Variants in DYNC2I2 observed in about 807,000 individuals in gnomAD.
DYNC2I2 encodes cytoplasmic dynein 2 intermediate chain 2.
In DYNC2I2, 39 loss-of-function variants were observed where a neutral mutation model predicts 52.0. The observed-to-expected ratio is 0.75, with a 90% CI of 0.58 to 0.98. DYNC2I2 has a LOEUF of 0.98. DYNC2I2 is among the 50% of genes least tolerant of loss of function. The probability of loss-of-function intolerance (pLI) is 0.00; values close to 1 mark genes in which losing one functional copy is unlikely to be tolerated. For missense variants in DYNC2I2, 743 were observed against 728.4 expected, an observed-to-expected ratio of 1.02 and a Z score of -0.23; for synonymous variants, 359 against 321.1, an observed-to-expected ratio of 1.12 and a Z score of -1.26.
intron 6 of DYNC2I2, 77 bp downstream of exon 6, chr9:128,635,015 G>C: frequency 6.3e-7 from 1 of 1,583,984 alleles, no homozygotes; most frequent in East Asian, 2.2e-5. Flanking sequence ...ATCACAGCAA[G>C]TCAGGCCCAC....
chr9:128,677,888 C>T, the DYNC2I2 span, among the ~76,000 whole-genome samples: 28 of 152,176 alleles, frequency 1.8e-4, no homozygotes, highest in East Asian at 5.4e-3. Flanking sequence ...CTCTGATCAC[C>T]CAGTCCTTTC....
rs746114427 is a variant in DYNC2I2 at position 128,640,902 on chromosome 9, G to A, written c.224C>T (p.Ala75Val). The A allele has an allele frequency of 3.1e-6, 5 of 1,606,446 alleles. No homozygotes were observed. Among genetic ancestry groups the A allele is most frequent in the Middle Eastern group, 3.3e-4 (2 of 6,036 alleles). Residue 75 changes from alanine to valine, a missense_variant, in exon 2 of 9, where the codon GCA becomes GTA. Ala to Val is a moderately conservative substitution (Grantham distance 64, BLOSUM62 0). Transcript: ENST00000372715. ...CACATGATTCCTGGCCTGGGCGGAT[G>A]CACTGGCAGTGGCAATGCTGGCCGT... ...CQTASIATAS[A>V]SAQARNHVDA...
chr9:128,643,778 G>A (rs761619801), intron 1 of DYNC2I2, among the ~76,000 whole-genome samples: 4 of 152,158 alleles, frequency 2.6e-5, no homozygotes, highest in African/African-American at 4.8e-5. Context: ...TGGACGGGGC[G>A]TCCCCAGATG....
the DYNC2I2 span, chr9:128,663,122 G>A: frequency 6.6e-6 from 1 of 152,164 alleles, no homozygotes; most frequent in Non-Finnish European, 1.5e-5. Context: ...GATCCAGATT[G>A]AACCTCTCTG....
the DYNC2I2 span, among the ~76,000 whole-genome samples, chr9:128,671,388 G>A: frequency 1.4e-5 from 2 of 146,306 alleles, no homozygotes; most frequent in African/African-American, 5.1e-5. Context: ...TGCAAACTCC[G>A]CCTCCTGGGT....
chr9:128,676,858 T>C, the DYNC2I2 span, among the ~76,000 whole-genome samples: 1 of 150,696 alleles, frequency 6.6e-6, no homozygotes, highest in Non-Finnish European at 1.5e-5. Flanking sequence ...TTTGTTTTGT[T>C]TTGTTTTTGA....
At chr9:128,656,852 G>C (rs949785796), upstream of DYNC2I2, 12 of 957,024 alleles carry the variant, frequency 1.3e-5, no homozygotes, top group African/African-American at 1.7e-5. Context: ...AGCGCCTCCT[G>C]CAAGACCTGG....
At chr9:128,658,153 A>C (rs1860870731), upstream of DYNC2I2, among the ~76,000 whole-genome samples, 1 of 151,832 alleles carries the variant, frequency 6.6e-6, no homozygotes, top group East Asian at 1.9e-4. Context: ...TGATCTGGGA[A>C]GGATAGATGC....
the DYNC2I2 span, among the ~76,000 whole-genome samples, chr9:128,664,980 A>C: frequency 8.5e-4 from 130 of 152,050 alleles, no homozygotes; most frequent in African/African-American, 3.0e-3. Context: ...AATAAAAATA[A>C]AAACAAGAAA....
At chr9:128,653,754 G>A (rs1043361871) in intron 1 of DYNC2I2, among the ~76,000 whole-genome samples, 8 of 151,680 alleles carry the variant, frequency 5.3e-5, no homozygotes, top group African/African-American at 1.7e-4. Flanking sequence ...GCTCACGCCT[G>A]TAATCCCAGC....
chr9:128,655,159 C>A (rs1860792637), intron 1 of DYNC2I2, among the ~76,000 whole-genome samples: 1 of 151,514 alleles, frequency 6.6e-6, no homozygotes, highest in Non-Finnish European at 1.5e-5. Context: ...TGATTAAACA[C>A]CTGGAAAACT....
intron 1 of DYNC2I2, among the ~76,000 whole-genome samples, chr9:128,648,488 C>T (rs957051355): frequency 2.6e-5 from 4 of 151,396 alleles, no homozygotes; most frequent in Non-Finnish European, 5.9e-5. Context: ...CCCGCCAAGC[C>T]AAGCCAAGCG....
At chr9:128,636,863 C>T in intron 3 of DYNC2I2, 55 bp downstream of exon 3, 1 of 1,393,360 alleles carries the variant, frequency 7.2e-7, no homozygotes, top group Non-Finnish European at 1.0e-6. Context: ...GAGACAAGGC[C>T]CAAGGAGGGT....
chr9:128,680,361 A>AGCCT, the DYNC2I2 span, among the ~76,000 whole-genome samples: 8 of 139,746 alleles, frequency 5.7e-5, no homozygotes. Context: ...GTACCTGGTC[A>AGCCT]ATTATTATTA....
At position 128,634,701 on chromosome 9, in the gene DYNC2I2, G is replaced by T. The variant is rs763634588; in HGVS notation, c.1202C>A (p.Ser401Tyr). Residue 401 changes from serine to tyrosine, a missense_variant, in exon 7 of 9, where the codon TCC becomes TAC. Ser to Tyr is a moderately radical substitution (Grantham distance 144, BLOSUM62 -2). Transcript: ENST00000372715. ...HGGPIYSVSC[S>Y]PFHRNLFLSA... ...CTGCCCTACGTACCTGTGGAAGGGG[G>T]AACAGCTCACAGAGTAGATGGGACC... The T allele has an allele frequency of 1.9e-6, 3 of 1,570,298 alleles. No individual in the cohort carries two copies. The highest frequency in any genetic ancestry group is 2.6e-6 in the Non-Finnish European group (3 of 1,157,466).
the DYNC2I2 span, among the ~76,000 whole-genome samples, chr9:128,665,165 G>A: frequency 6.6e-6 from 1 of 151,232 alleles, no homozygotes; most frequent in Non-Finnish European, 1.5e-5. Context: ...CAATTCTCCG[G>A]CCTCAGCCTC....
At chr9:128,653,055 C>G (rs1470299248) in intron 1 of DYNC2I2, among the ~76,000 whole-genome samples, 2 of 147,248 alleles carry the variant, frequency 1.4e-5, no homozygotes, top group African/African-American at 5.2e-5. Flanking sequence ...ATGGTGAAAC[C>G]CTGTCTCTAC....
chr9:128,683,680 G>A, the DYNC2I2 span: 1 of 472,272 alleles, frequency 2.1e-6, no homozygotes, highest in South Asian at 2.9e-5. Context: ...GAGGCAGAGA[G>A]CAACTAAAAG....
At chr9:128,642,441 AG>A (rs1860532300) in intron 1 of DYNC2I2, among the ~76,000 whole-genome samples, 1 of 111,604 alleles carries the variant, frequency 9.0e-6, no homozygotes, top group Non-Finnish European at 1.8e-5. Context: ...GGCCTATGGT[AG>A]GAGACTTTCT....
Sources: allele counts gnomAD v4.1 joint callset (sites outside exome capture counted in the v4.1 genomes callset), GRCh38; gene constraint gnomAD v4.1.1; transcripts MANE v1.5; gene names NCBI Gene and HGNC (gene_info 2026-07-23, HGNC 2026-07-21).